The following NKAIN3 variants were observed in gnomAD, a reference collection of about 807,000 sequenced individuals.
The protein encoded by NKAIN3 is sodium/potassium-transporting ATPase subunit beta-1-interacting protein 3.
NKAIN3 carries 25 observed loss-of-function variants against 30.2 expected under a neutral mutation model. That is an observed-to-expected ratio of 0.83 (90% CI 0.60 to 1.16). The LOEUF is 1.16. Ranked by LOEUF, NKAIN3 falls within the 50% of genes most tolerant of loss-of-function variation. The pLI is 0.00. For missense variants in NKAIN3, 225 were observed against 254.1 expected (o/e 0.89, Z 0.78); for synonymous variants, 91 against 89.6 (o/e 1.02, Z -0.09).
chr8:62,816,971 G>C (rs1474396097), intron 4 of NKAIN3, among the ~76,000 whole-genome samples: 1 of 152,096 alleles, frequency 6.6e-6, no homozygotes, highest in Admixed American at 6.6e-5. Flanking sequence ...TCCATGGTAG[G>C]AATATAGACT....
intron 1 of NKAIN3, among the ~76,000 whole-genome samples, chr8:62,546,234 G>T (rs1017454680): frequency 1.3e-5 from 2 of 152,144 alleles, no homozygotes; most frequent in Non-Finnish European, 2.9e-5. Flanking sequence ...AAAGAGTCAA[G>T]AGACTTTCAC....
intron 4 of NKAIN3, among the ~76,000 whole-genome samples, chr8:62,870,992 A>G (rs1477999981): frequency 6.6e-6 from 1 of 152,080 alleles, no homozygotes; most frequent in African/African-American, 2.4e-5. Context: ...TCAAAGACTG[A>G]CTGTTTCAGT....
intron 1 of NKAIN3, among the ~76,000 whole-genome samples, chr8:62,479,155 C>T (rs1640533537): frequency 6.6e-6 from 1 of 152,142 alleles, no homozygotes; most frequent in African/African-American, 2.4e-5. Flanking sequence ...AACCTGAGGA[C>T]TTTGAGGATT....
chr8:62,461,316 A>G (rs1486095787), intron 1 of NKAIN3, among the ~76,000 whole-genome samples: 1 of 152,234 alleles, frequency 6.6e-6, no homozygotes, highest in African/African-American at 2.4e-5. Flanking sequence ...TCAAACAAAC[A>G]CAACTACAGC....
At chr8:62,299,805 C>T (rs897593748) in intron 1 of NKAIN3, among the ~76,000 whole-genome samples, 5 of 151,930 alleles carry the variant, frequency 3.3e-5, no homozygotes, top group East Asian at 3.9e-4. Context: ...TATGTGAACA[C>T]GGAAAGGCTT....
chr8:62,943,468 G>C (rs1345644407), intron 5 of NKAIN3, among the ~76,000 whole-genome samples: 1 of 151,910 alleles, frequency 6.6e-6, no homozygotes, highest in East Asian at 1.9e-4. Context: ...AACCACTACG[G>C]AAAAAAATGT....
intron 1 of NKAIN3, among the ~76,000 whole-genome samples, chr8:62,461,858 A>C (rs1182829538): frequency 6.6e-6 from 1 of 152,222 alleles, no homozygotes; most frequent in Non-Finnish European, 1.5e-5. Flanking sequence ...GCTCATACTC[A>C]TAAGTGTGAT....
chr8:62,321,733 G>C (rs944024305), intron 1 of NKAIN3, among the ~76,000 whole-genome samples: 1 of 152,176 alleles, frequency 6.6e-6, no homozygotes, highest in Non-Finnish European at 1.5e-5. Flanking sequence ...GTGTCAGTCT[G>C]CCCCTACTGG....
intron 5 of NKAIN3, among the ~76,000 whole-genome samples, chr8:62,996,769 G>A (rs185582635): frequency 2.1e-4 from 32 of 152,294 alleles, no homozygotes; most frequent in African/African-American, 7.5e-4. Context: ...AAACCTGATG[G>A]GGCAGTCATT....
At chr8:62,467,935 A>C (rs929093935) in intron 1 of NKAIN3, among the ~76,000 whole-genome samples, 1 of 151,902 alleles carries the variant, frequency 6.6e-6, no homozygotes, top group Non-Finnish European at 1.5e-5. Context: ...ATGCCTGGCT[A>C]ATTTTTTTGC....
chr8:62,803,144 G>C (rs1490775643), intron 4 of NKAIN3, among the ~76,000 whole-genome samples: 30 of 152,144 alleles, frequency 2.0e-4, no homozygotes, highest in Non-Finnish European at 3.5e-4. Flanking sequence ...AAGAGACTTA[G>C]ACTCCCACAC....
At chr8:62,519,515 G>T (rs1352711089) in intron 1 of NKAIN3, among the ~76,000 whole-genome samples, 2 of 151,978 alleles carry the variant, frequency 1.3e-5, no homozygotes, top group African/African-American at 4.8e-5. Context: ...TCTTCTTTTG[G>T]TATCATTAAA....
chr8:62,346,143 T>G (rs1264602772), intron 1 of NKAIN3, among the ~76,000 whole-genome samples: 9 of 152,172 alleles, frequency 5.9e-5, no homozygotes, highest in African/African-American at 2.2e-4. Context: ...AAGAATATGT[T>G]CAGGTGTTCT....
intron 1 of NKAIN3, among the ~76,000 whole-genome samples, chr8:62,538,192 G>A (rs1239035729): frequency 6.6e-6 from 1 of 152,104 alleles, no homozygotes; most frequent in African/African-American, 2.4e-5. Context: ...TTTTGTTGTT[G>A]TTGAGACAGG....
At chr8:62,525,289 G>A (rs1442099440) in intron 1 of NKAIN3, among the ~76,000 whole-genome samples, 1 of 152,074 alleles carries the variant, frequency 6.6e-6, no homozygotes, top group Non-Finnish European at 1.5e-5. Flanking sequence ...CAAATATTGA[G>A]TAGTGGGAGG....
At chr8:62,729,039 A>AAAAAAAAAAAAAAAACAAAC (rs200466973) in intron 3 of NKAIN3, among the ~76,000 whole-genome samples, 1 of 96,940 alleles carries the variant, frequency 1.0e-5, no homozygotes, top group African/African-American at 4.0e-5. Context: ...AAAAAAAAAA[A>AAAAAAAAAAAAAAAACAAAC]CAAAAAAAAA....
chr8:62,304,195 G>A (rs915035884), intron 1 of NKAIN3, among the ~76,000 whole-genome samples: 1 of 150,510 alleles, frequency 6.6e-6, no homozygotes, highest in Non-Finnish European at 1.5e-5. Flanking sequence ...CCTTTAAGCA[G>A]ATTGTCCATT....
chr8:62,804,877 G>A (rs1478038655), intron 4 of NKAIN3, among the ~76,000 whole-genome samples: 2 of 152,192 alleles, frequency 1.3e-5, no homozygotes, highest in African/African-American at 4.8e-5. Flanking sequence ...GTTTGCAGAG[G>A]ACATGATTGT....
chr8:62,421,810 G>A lies in NKAIN3; in HGVS notation c.55-157729G>A, dbSNP rs73259288. ...TGAGGTTTTATAAGAACCTCATAAT[G>A]TAGGTCCTGTTGTCCCATTTTTTAT... On this transcript the variant is annotated intron_variant, in intron 1 of 6. Coordinates refer to ENST00000623646, the MANE Select transcript of NKAIN3 (RefSeq NM_001304533.3). Among the ~76,000 whole-genome samples the A allele has an allele frequency of 3.4e-3, 522 of 152,138 alleles. 4 individuals carry two copies. Among genetic ancestry groups the A allele is most frequent in the African/African-American group, 0.012 (478 of 41,530 alleles).
Sources: gnomAD v4.1 joint callset for allele counts (sites outside exome capture counted in the v4.1 genomes callset) on GRCh38, gnomAD v4.1.1 for gene constraint, MANE v1.5 for transcripts, NCBI Gene and HGNC (gene_info 2026-07-23, HGNC 2026-07-21) for gene names.